SLC30A8: variants seen among roughly 807,000 people sequenced by gnomAD.
The protein encoded by SLC30A8 is proton-coupled zinc antiporter SLC30A8.
In SLC30A8, 27 loss-of-function variants were observed where a neutral mutation model predicts 36.9. The ratio of observed to expected loss-of-function variants is 0.73; its 90% CI spans 0.54 to 1.01. SLC30A8 has a LOEUF of 1.01. Among genes scored for constraint, SLC30A8 ranks in the 50% least tolerant of loss-of-function variants. The pLI is 0.00. For missense variants in SLC30A8, 439 were observed against 452.0 expected (o/e 0.97, Z 0.26); for synonymous variants, 164 against 172.4 (o/e 0.95, Z 0.38).
At chr8:117,109,405 A>C (rs1388683012) in intron 2 of SLC30A8, among the ~76,000 whole-genome samples, 1 of 152,168 alleles carries the variant, frequency 6.6e-6, no homozygotes, top group Non-Finnish European at 1.5e-5. Context: ...TTGAATATGA[A>C]AGGGAAAAAG....
chr8:117,018,359 T>C (rs1427995930), intron 1 of SLC30A8: 1 of 152,240 alleles, frequency 6.6e-6, no homozygotes, highest in East Asian at 1.9e-4. Flanking sequence ...TATTTCAACA[T>C]GTAATATGAA....
intron 2 of SLC30A8, among the ~76,000 whole-genome samples, chr8:117,113,087 AT>A (rs1820300579): frequency 6.6e-6 from 1 of 152,146 alleles, no homozygotes; most frequent in Non-Finnish European, 1.5e-5. Flanking sequence ...TGCTACTCAA[AT>A]TGTGGTGAGG....
At chr8:117,133,096 T>C (rs1475691380), upstream of SLC30A8, among the ~76,000 whole-genome samples, 1 of 152,042 alleles carries the variant, frequency 6.6e-6, no homozygotes, top group Non-Finnish European at 1.5e-5. Flanking sequence ...ATTTTAGGTA[T>C]CTATATATGT....
chr8:116,995,361 G>T (rs1374319136), intron 1 of SLC30A8, among the ~76,000 whole-genome samples: 1 of 151,954 alleles, frequency 6.6e-6, no homozygotes, highest in East Asian at 1.9e-4. Context: ...ATCCAAATAG[G>T]CCACCTAGGG....
At position 117,175,697 on chromosome 8, in the gene SLC30A8, A is replaced by G. The variant is rs1343418970; in HGVS notation, c.*3016A>G. ...TACATGTTAAATGTTGTTTTTTATT[A>G]TGTACAAACATGAGTGGGCACAGAA... On this transcript the variant is annotated 3_prime_UTR_variant, in exon 8 of 8. Transcript: ENST00000456015. The G allele has an allele frequency of 6.6e-6, 1 of 152,114 alleles. No individual in the cohort carries two copies. The highest frequency in any genetic ancestry group is 2.4e-5 in the African/African-American group (1 of 41,438). 9.4% of individuals were successfully genotyped at this position (152,114 alleles called of 1,614,324 possible).
intron 2 of SLC30A8, among the ~76,000 whole-genome samples, chr8:117,055,224 A>G (rs1279787690): frequency 6.6e-6 from 1 of 152,200 alleles, no homozygotes; most frequent in Non-Finnish European, 1.5e-5. Context: ...GTGGGTGATC[A>G]TTTCCTTCTA....
chr8:116,985,072 A>G (rs1433720843), intron 1 of SLC30A8, among the ~76,000 whole-genome samples: 1 of 152,094 alleles, frequency 6.6e-6, no homozygotes, highest in African/African-American at 2.4e-5. Context: ...ACCCCAAAAT[A>G]TAAAATTAAA....
intron 2 of SLC30A8, among the ~76,000 whole-genome samples, chr8:117,105,830 A>T: frequency 6.6e-6 from 1 of 152,180 alleles, no homozygotes; most frequent in Non-Finnish European, 1.5e-5. Context: ...ATTATGGCCT[A>T]CCCAAGTTGA....
chr8:117,125,915 A>G (rs529962331), intron 2 of SLC30A8, among the ~76,000 whole-genome samples: 19 of 152,148 alleles, frequency 1.2e-4, no homozygotes, highest in Non-Finnish European at 2.2e-4. Flanking sequence ...TTAAAATAGT[A>G]TCTGTAATAA....
intron 4 of SLC30A8, among the ~76,000 whole-genome samples, chr8:117,159,467 C>T (rs1241301757): frequency 6.6e-6 from 1 of 152,212 alleles, no homozygotes; most frequent in African/African-American, 2.4e-5. Flanking sequence ...TGCCCCTTGA[C>T]ATCTCACTTA....
intron 1 of SLC30A8, among the ~76,000 whole-genome samples, chr8:116,955,722 C>CAA (rs61311411): frequency 1.4e-4 from 19 of 135,632 alleles, no homozygotes; most frequent in African/African-American, 4.5e-4. Flanking sequence ...GACTCTGTCT[C>CAA]AAAAAAAAAA....
chr8:116,997,138 A>G (rs761944009), intron 1 of SLC30A8, among the ~76,000 whole-genome samples: 1 of 152,184 alleles, frequency 6.6e-6, no homozygotes, highest in East Asian at 1.9e-4. Context: ...GAACTGCAAG[A>G]GGCAGAAGAC....
intron 6 of SLC30A8, among the ~76,000 whole-genome samples, chr8:117,166,766 A>ATTTTTTTT (rs71305462): frequency 2.3e-5 from 3 of 128,676 alleles, no homozygotes; most frequent in East Asian, 2.3e-4. Context: ...ACATTAGCTG[A>ATTTTTTTT]TTTTTTTTTT....
intron 1 of SLC30A8, among the ~76,000 whole-genome samples, chr8:116,970,837 A>G (rs1051578605): frequency 2.6e-5 from 4 of 152,134 alleles, no homozygotes; most frequent in Non-Finnish European, 5.9e-5. Flanking sequence ...GCTCACACCA[A>G]TAATCCTAGC....
At chr8:117,165,046 GGCTACATCTTTACTGGCAGA>G (rs1237906576) in intron 6 of SLC30A8, among the ~76,000 whole-genome samples, 3 of 152,142 alleles carry the variant, frequency 2.0e-5, no homozygotes, top group Non-Finnish European at 4.4e-5. Flanking sequence ...GCCCTTTCTA[GGCTACATCTTTACTGGCAGA>G]GTTAGCGCAA....
At chr8:117,137,874 C>T (rs1821433284) in intron 1 of SLC30A8, among the ~76,000 whole-genome samples, 1 of 151,802 alleles carries the variant, frequency 6.6e-6, no homozygotes, top group African/African-American at 2.4e-5. Flanking sequence ...GCAATAGATT[C>T]TATCTCTTGA....
At chr8:117,067,674 A>G (rs1037456627) in intron 2 of SLC30A8, among the ~76,000 whole-genome samples, 10 of 152,188 alleles carry the variant, frequency 6.6e-5, no homozygotes, top group African/African-American at 2.4e-4. Context: ...GAAGCTGTTC[A>G]GTTTTTTGTT....
At chr8:116,955,748 A>T (rs1467849421) in intron 1 of SLC30A8, among the ~76,000 whole-genome samples, 3 of 152,022 alleles carry the variant, frequency 2.0e-5, no homozygotes, top group African/African-American at 7.3e-5. Flanking sequence ...AAAAAAAAGA[A>T]AACAAAAAGA....
At chr8:116,978,371 A>G (rs1347274990) in intron 1 of SLC30A8, among the ~76,000 whole-genome samples, 1 of 152,168 alleles carries the variant, frequency 6.6e-6, no homozygotes, top group African/African-American at 2.4e-5. Context: ...TACCATTTGC[A>G]TCATTGAATA....
Sources: allele counts gnomAD v4.1 joint callset (sites outside exome capture counted in the v4.1 genomes callset), GRCh38; gene constraint gnomAD v4.1.1; transcripts MANE v1.5; gene names NCBI Gene and HGNC (gene_info 2026-07-23, HGNC 2026-07-21).